The following XRCC5 variants were observed in gnomAD, a reference collection of about 807,000 sequenced individuals.
XRCC5 encodes X-ray repair cross complementing 5, also known as DNA repair protein Ku80.
XRCC5 carries 12 observed loss-of-function variants against 95.7 expected under a neutral mutation model. The ratio of observed to expected loss-of-function variants is 0.13; its 90% CI spans 0.08 to 0.20. XRCC5 has a LOEUF of 0.20. XRCC5 is among the 10% of genes least tolerant of loss of function. The pLI is 1.00. For synonymous variants in XRCC5, 281 were observed against 290.3 expected (o/e 0.97, Z 0.33); for missense variants, 595 against 873.9 (o/e 0.68, Z 4.02).
intron 16 of XRCC5, chr2:216,174,971 T>G (rs1374014883): frequency 6.1e-6 from 2 of 326,692 alleles, no homozygotes. Flanking sequence ...CTCCCCGAGC[T>G]TCTTCCACCA....
chr2:216,161,954 T>C (rs1479150251), intron 15 of XRCC5, 25 bp from the exon 16 acceptor site: 1 of 1,606,898 alleles, frequency 6.2e-7, no homozygotes, highest in African/African-American at 1.3e-5. Context: ...AACCTGTAGG[T>C]TTATCATCTG....
At chr2:216,151,451 T>C (rs1285266614) in intron 14 of XRCC5, among the ~76,000 whole-genome samples, 1 of 152,224 alleles carries the variant, frequency 6.6e-6, no homozygotes, top group Non-Finnish European at 1.5e-5. Context: ...CGAAGACTCC[T>C]TCTCACTTAC....
chr2:216,197,456 A>G (rs1001738720), intron 19 of XRCC5, among the ~76,000 whole-genome samples: 1 of 151,338 alleles, frequency 6.6e-6, no homozygotes, highest in Non-Finnish European at 1.5e-5. Flanking sequence ...AGGAAAAAAA[A>G]AAAAAAAAAA....
chr2:216,123,126 A>G (rs1696839830), intron 6 of XRCC5, among the ~76,000 whole-genome samples: 1 of 152,194 alleles, frequency 6.6e-6, no homozygotes, highest in Non-Finnish European at 1.5e-5. Flanking sequence ...AATTATTTCC[A>G]GCTTATCAGT....
intron 16 of XRCC5, among the ~76,000 whole-genome samples, chr2:216,176,219 A>G (rs1162468753): frequency 1.3e-5 from 2 of 152,220 alleles, no homozygotes; most frequent in East Asian, 1.9e-4. Context: ...CCCGGGTTCA[A>G]GCCATTCTCC....
At chr2:216,126,153 C>T (rs925104817) in intron 7 of XRCC5, 122 bp downstream of exon 7, 22 of 752,304 alleles carry the variant, frequency 2.9e-5, no homozygotes, top group African/African-American at 7.0e-5. Flanking sequence ...TCTAGTTGTT[C>T]TCCCTGCTCA....
intron 14 of XRCC5, among the ~76,000 whole-genome samples, chr2:216,157,394 C>T (rs1327820105): frequency 6.6e-6 from 1 of 151,936 alleles, no homozygotes; most frequent in Non-Finnish European, 1.5e-5. Context: ...CCACCATGCC[C>T]GGCTAATGTT....
chr2:216,161,607 G>A (rs1202625450), intron 15 of XRCC5, among the ~76,000 whole-genome samples: 2 of 152,182 alleles, frequency 1.3e-5, no homozygotes, highest in Admixed American at 6.5e-5. Context: ...ATTCGAAACC[G>A]ACCCCACACT....
In XRCC5 at chr2:216,205,981, T is replaced by C. The variant is rs1445764069; in HGVS notation, c.*779T>C. ...TTAGAATTATATCACTTCACTGTTC[T>C]CTACTTGCAAGCCTCAAAGAGAGAA... On this transcript the variant is annotated 3_prime_UTR_variant, in exon 21 of 21. Coordinates refer to ENST00000392132, the MANE Select transcript of XRCC5 (RefSeq NM_021141.4). The C allele has an allele frequency of 6.6e-6, 1 of 152,248 alleles. No individual in the cohort carries two copies. Among genetic ancestry groups the C allele is most frequent in the Admixed American group, 6.5e-5 (1 of 15,286 alleles). The allele number at this position is 152,248 out of a possible 1,614,324, so 9.4% of individuals were successfully genotyped here.
chr2:216,114,414 A>T (rs1696645576), intron 2 of XRCC5, among the ~76,000 whole-genome samples: 1 of 151,840 alleles, frequency 6.6e-6, no homozygotes, highest in South Asian at 2.1e-4. Flanking sequence ...AGGTGCTCTA[A>T]CCCTGTTCTT....
At chr2:216,185,715 G>C (rs938070493) in intron 16 of XRCC5, among the ~76,000 whole-genome samples, 3 of 142,044 alleles carry the variant, frequency 2.1e-5, no homozygotes, top group Non-Finnish European at 4.5e-5. Flanking sequence ...TCACTCTGTT[G>C]CCCAGGTTGG....
intron 16 of XRCC5, chr2:216,175,742 A>G: frequency 2.2e-6 from 1 of 453,022 alleles, no homozygotes; most frequent in South Asian, 1.8e-5. Context: ...TGTGTGGTCA[A>G]GCACACATTG....
rs185310371 is a variant in XRCC5, at chr2:216,156,421, T to G, written c.1671-3647T>G. 4.4e-5 allele frequency: 36 copies of G among 810,692 alleles called. 1 individual carries two copies. The Admixed American group carries it at 5.5e-4, about 12-fold the overall frequency. 50.2% of individuals were successfully genotyped at this position (810,692 alleles called of 1,614,324 possible). A position where few individuals can be genotyped will look rare whatever the true frequency, so the allele number is the denominator to read the frequency against. On this transcript the variant is annotated intron_variant, in intron 14 of 20. Coordinates refer to ENST00000392132, the MANE Select transcript of XRCC5 (RefSeq NM_021141.4). ...TGGCAACAAGTCTGCTGAGATAGGC[T>G]GACCTTGTAGCTTTTGTAGTCTCTA...
chr2:216,139,303 T>A (rs1407939443), intron 12 of XRCC5, among the ~76,000 whole-genome samples: 3 of 127,028 alleles, frequency 2.4e-5, no homozygotes, highest in Non-Finnish European at 5.7e-5. Context: ...GAAAAAGAGG[T>A]TTAATTGGAC....
chr2:216,113,531 T>C (rs1367782083), intron 2 of XRCC5, among the ~76,000 whole-genome samples: 1 of 152,194 alleles, frequency 6.6e-6, no homozygotes, highest in Non-Finnish European at 1.5e-5. Context: ...TACCCCAAAA[T>C]GTAGTGTCTC....
intron 12 of XRCC5, among the ~76,000 whole-genome samples, chr2:216,138,850 G>GT (rs1697130232): frequency 6.6e-6 from 1 of 152,196 alleles, no homozygotes; most frequent in Non-Finnish European, 1.5e-5. Flanking sequence ...GATGTTTTAG[G>GT]TTACAAGTTT....
At chr2:216,167,151 T>G (rs1398282633) in intron 16 of XRCC5, among the ~76,000 whole-genome samples, 2 of 152,204 alleles carry the variant, frequency 1.3e-5, no homozygotes, top group East Asian at 3.9e-4. Flanking sequence ...ATTTGACTCA[T>G]GTACAAGAGA....
At chr2:216,158,174 G>A (rs1370441271) in intron 14 of XRCC5, among the ~76,000 whole-genome samples, 5 of 152,148 alleles carry the variant, frequency 3.3e-5, no homozygotes, top group African/African-American at 1.2e-4. Flanking sequence ...AGCTTTTTAT[G>A]TGTAATCCTT....
In XRCC5 at chr2:216,162,065, G is replaced by T. The variant is rs773127716; in HGVS notation, c.1834+17G>T. ...TTGAGGAAGGTGAGTGGTTGACTTT[G>T]CATTTAGGAGAAGCTGTTTAGTTAA... On this transcript the variant is annotated intron_variant, in intron 16 of 20. Transcript: ENST00000392132. The T allele has an allele frequency of 6.8e-6, 11 of 1,610,248 alleles. 1 individual carries two copies. In the South Asian group the frequency reaches 1.2e-4, roughly 18 times the overall value.
Sources: gnomAD v4.1 joint callset for allele counts (sites outside exome capture counted in the v4.1 genomes callset) on GRCh38, gnomAD v4.1.1 for gene constraint, MANE v1.5 for transcripts, NCBI Gene and HGNC (gene_info 2026-07-23, HGNC 2026-07-21) for gene names.